The following LARGE1 variants were observed in gnomAD, a reference collection of about 807,000 sequenced individuals.
The protein encoded by LARGE1 is xylosyl- and glucuronyltransferase LARGE1.
Under a neutral mutation model 87.6 loss-of-function variants are expected in LARGE1, and 43 were observed. The ratio of observed to expected loss-of-function variants is 0.49; its 90% CI spans 0.38 to 0.63. The LOEUF is 0.63. Ranked by LOEUF, LARGE1 falls within the 30% of genes least tolerant of loss-of-function variation. The pLI, the probability that LARGE1 is intolerant of heterozygous loss-of-function variation, is 0.00. For missense variants in LARGE1, 802 were observed against 1,000.2 expected (o/e 0.80, Z 2.67); for synonymous variants, 434 against 394.6 (o/e 1.10, Z -1.18).
chr22:33,592,355 G>C (rs904426488), intron 5 of LARGE1, among the ~76,000 whole-genome samples: 1 of 151,226 alleles, frequency 6.6e-6, no homozygotes, highest in African/African-American at 2.4e-5. Flanking sequence ...TTCTTACTTA[G>C]GCTTTATTTC....
At chr22:33,599,174 T>C (rs961217394) in intron 5 of LARGE1, among the ~76,000 whole-genome samples, 1 of 150,298 alleles carries the variant, frequency 6.7e-6, no homozygotes, top group African/African-American at 2.5e-5. Context: ...TCTCATACCA[T>C]TTCTTTTGGG....
chr22:33,707,987 G>A (rs1017716023), intron 2 of LARGE1, among the ~76,000 whole-genome samples: 6 of 152,102 alleles, frequency 3.9e-5, no homozygotes, highest in Non-Finnish European at 7.4e-5. Flanking sequence ...AGGATGGAAC[G>A]AGCCAGGGCC....
At chr22:33,182,556 A>G (rs886147580) in intron 11 of LARGE1, among the ~76,000 whole-genome samples, 1 of 152,240 alleles carries the variant, frequency 6.6e-6, no homozygotes, top group Non-Finnish European at 1.5e-5. Flanking sequence ...AGCTGGAGGC[A>G]TCACACTCTG....
chr22:33,326,322 C>T (rs1569058588), intron 10 of LARGE1, among the ~76,000 whole-genome samples: 1 of 152,160 alleles, frequency 6.6e-6, no homozygotes, highest in Non-Finnish European at 1.5e-5. Flanking sequence ...AAGTCTTGTG[C>T]TAGGAATGGG....
At chr22:33,069,159 G>T in the LARGE1 span, among the ~76,000 whole-genome samples, 1 of 152,070 alleles carries the variant, frequency 6.6e-6, no homozygotes, top group South Asian at 2.1e-4. Flanking sequence ...TGCTTGCAGT[G>T]TGAGGGATGC....
intron 2 of LARGE1, among the ~76,000 whole-genome samples, chr22:33,752,461 T>C (rs912577101): frequency 1.3e-5 from 2 of 152,160 alleles, no homozygotes; most frequent in African/African-American, 4.8e-5. Flanking sequence ...ATTCTGAACT[T>C]ATCTTTTCAG....
At chr22:33,425,236 T>C (rs2066836984) in intron 7 of LARGE1, among the ~76,000 whole-genome samples, 1 of 152,156 alleles carries the variant, frequency 6.6e-6, no homozygotes, top group South Asian at 2.1e-4. Context: ...CACTTCAGCC[T>C]GGGTGACAGA....
chr22:33,717,683 G>A (rs545447071), intron 2 of LARGE1, among the ~76,000 whole-genome samples: 2 of 152,232 alleles, frequency 1.3e-5, no homozygotes, highest in South Asian at 4.1e-4. Context: ...AAGCACTAAC[G>A]AATGTACTCA....
chr22:33,077,581 G>A, the LARGE1 span, among the ~76,000 whole-genome samples: 3,293 of 152,196 alleles, frequency 0.022, 121 homozygotes, highest in African/African-American at 0.075. Flanking sequence ...ACAATAAAAC[G>A]AGATGAATTT....
chr22:33,765,326 A>G (rs1203021298), intron 1 of LARGE1, among the ~76,000 whole-genome samples: 1 of 152,158 alleles, frequency 6.6e-6, no homozygotes, highest in Non-Finnish European at 1.5e-5. Flanking sequence ...ATTGAATATT[A>G]TGATTATTTC....
chr22:33,397,264 T>C (rs1186128596), intron 7 of LARGE1, among the ~76,000 whole-genome samples: 1 of 152,174 alleles, frequency 6.6e-6, no homozygotes, highest in East Asian at 1.9e-4. Flanking sequence ...AACAGGCATG[T>C]GCCACTATGC....
intron 6 of LARGE1, among the ~76,000 whole-genome samples, chr22:33,523,224 G>A (rs1488847830): frequency 2.0e-5 from 3 of 151,926 alleles, no homozygotes; most frequent in South Asian, 2.1e-4. Context: ...GGCTGGTCTC[G>A]AACTCCTGAC....
rs34194613 is a variant in LARGE1, at chr22:33,386,708, G to GT, written c.893-2405_893-2404insA. ...GTTTTACTCAGATAAACAATGTTGGGGGGGGTAGAAAGAAAAGAAACATTT... is the reference window on the plus strand; with the variant it reads ...GTTTTACTCAGATAAACAATGTTGGGTGGGGGTAGAAAGAAAAGAAACATTT... On this transcript the variant is annotated intron_variant, in intron 7 of 14. Coordinates refer to ENST00000397394, the MANE Select transcript of LARGE1 (RefSeq NM_133642.5). Among the ~76,000 whole-genome samples, 3 of 148,204 alleles carry GT rather than the reference G, an allele frequency of 2.0e-5. 1 individual carries two copies. Among genetic ancestry groups the GT allele is most frequent in the Non-Finnish European group, 4.5e-5 (3 of 66,356 alleles).
At chr22:33,084,206 C>T in the LARGE1 span, among the ~76,000 whole-genome samples, 492 of 152,328 alleles carry the variant, frequency 3.2e-3, 4 homozygotes, top group African/African-American at 0.011. Flanking sequence ...TTTCCCCAAG[C>T]TGAGTTAGGT....
At chr22:33,231,997 G>T (rs1396435993) in intron 11 of LARGE1, among the ~76,000 whole-genome samples, 1 of 152,160 alleles carries the variant, frequency 6.6e-6, no homozygotes, top group Non-Finnish European at 1.5e-5. Flanking sequence ...TTGTATGTAT[G>T]TCCCCATTTT....
At chr22:33,392,514 C>A (rs1388932003) in intron 7 of LARGE1, among the ~76,000 whole-genome samples, 3 of 151,948 alleles carry the variant, frequency 2.0e-5, no homozygotes, top group Non-Finnish European at 4.4e-5. Context: ...CAAAAATTAG[C>A]CAGATGTGGT....
intron 11 of LARGE1, among the ~76,000 whole-genome samples, chr22:33,311,755 G>C (rs567119334): frequency 6.6e-6 from 1 of 152,250 alleles, no homozygotes; most frequent in East Asian, 1.9e-4. Flanking sequence ...GCCTTCGTAA[G>C]GATGTTCAGA....
intron 7 of LARGE1, among the ~76,000 whole-genome samples, chr22:33,388,791 T>C (rs2065414959): frequency 6.6e-6 from 1 of 151,626 alleles, no homozygotes; most frequent in Non-Finnish European, 1.5e-5. Flanking sequence ...GGTCTCAAAC[T>C]CCTGACCTCA....
intron 11 of LARGE1, chr22:33,305,460 G>A (rs567863899): frequency 9.6e-5 from 32 of 334,156 alleles, no homozygotes; most frequent in South Asian, 4.7e-4. Context: ...TTTCAAAGGC[G>A]TTAGAAGCGT....
Sources: gnomAD v4.1 joint callset for allele counts (sites outside exome capture counted in the v4.1 genomes callset) on GRCh38, gnomAD v4.1.1 for gene constraint, MANE v1.5 for transcripts, NCBI Gene and HGNC (gene_info 2026-07-23, HGNC 2026-07-21) for gene names.